ZNF566: variants seen among roughly 807,000 people sequenced by gnomAD.
The protein encoded by ZNF566 is zinc finger protein 566.
A neutral mutation model predicts 32.8 loss-of-function variants in ZNF566; 27 were observed. That is an observed-to-expected ratio of 0.82 (90% CI 0.61 to 1.14). The LOEUF (loss-of-function observed/expected upper bound fraction) is 1.14, where lower values mean the gene tolerates loss of function less well. Among genes scored for constraint, ZNF566 ranks in the 50% most tolerant of loss-of-function variants. The probability of loss-of-function intolerance (pLI) is 0.00; values close to 1 mark genes in which losing one functional copy is unlikely to be tolerated. For missense variants in ZNF566, 402 were observed against 490.4 expected (o/e 0.82, Z 1.70); for synonymous variants, 154 against 159.5 (o/e 0.97, Z 0.26).
chr19:36,462,956 CAAAAAAAAAAAAAAA>C (rs755283751), intron 4 of ZNF566, among the ~76,000 whole-genome samples: 603 of 38,578 alleles, frequency 0.016, 12 homozygotes, highest in African/African-American at 0.055. Context: ...GACTCTGTCT[CAAAAAAAAAAAAAAA>C]AAAAAAAAAA....
At chr19:36,482,076 G>A (rs2912424) in intron 1 of ZNF566, among the ~76,000 whole-genome samples, 51,710 of 152,044 alleles carry the variant, frequency 0.34, 8,924 homozygotes, top group South Asian at 0.41. Context: ...TATATACAAG[G>A]AGTCTGTGGG....
chr19:36,474,428 C>T (rs2033836585), intron 2 of ZNF566, among the ~76,000 whole-genome samples: 2 of 152,138 alleles, frequency 1.3e-5, no homozygotes, highest in South Asian at 2.1e-4. Flanking sequence ...GCCATGAGCT[C>T]GCTTGGCAGA....
At chr19:36,474,456 G>C (rs1001838419) in intron 2 of ZNF566, among the ~76,000 whole-genome samples, 1 of 152,170 alleles carries the variant, frequency 6.6e-6, no homozygotes, top group Non-Finnish European at 1.5e-5. Context: ...ATTTGCAGCC[G>C]TAATAAGGTG....
chr19:36,455,966 G>C (rs1368586394), intron 4 of ZNF566, among the ~76,000 whole-genome samples: 1 of 151,466 alleles, frequency 6.6e-6, no homozygotes, highest in East Asian at 1.9e-4. Context: ...GTGAACCCGG[G>C]AGGCCGAGCT....
chr19:36,473,498 A>T (rs775822749), intron 2 of ZNF566, 40 bp from the exon 3 acceptor site: 38 of 1,502,778 alleles, frequency 2.5e-5, no homozygotes, highest in Middle Eastern at 3.5e-4. Context: ...TTAATTTTTT[A>T]AAAAGTACTT....
chr19:36,449,891 A>G lies in ZNF566; in HGVS notation c.343T>C (p.Cys115Arg), dbSNP rs2033106351. The change falls in exon 5 of 5, where the codon TGC becomes CGC. Residue 115 changes from cysteine (C) to arginine (R), a missense_variant. Physicochemically the swap from Cys to Arg is radical, Grantham distance 180 (BLOSUM62 -3). Around this residue, in one of 3 missense-constraint regions of ZNF566, gnomAD observed 220 missense variants for 241.9 expected, o/e 0.91. Coordinates refer to ENST00000452939, the MANE Select transcript of ZNF566 (RefSeq NM_001145344.1). Reference protein sequence around the residue: ...MEKLTRRDFQCSSFRDDWECN... With the variant: ...MEKLTRRDFQRSSFRDDWECN... ...TCCCAATCATCTCTGAAACTGGAGC[A>G]CTGAAAATCACGTCTTGTGAGTTTT... The G allele has an allele frequency of 1.2e-6, 2 of 1,614,092 alleles. No individual in the cohort carries two copies. The highest frequency in any genetic ancestry group is 8.5e-7 in the Non-Finnish European group (1 of 1,180,000).
At chr19:36,485,755 T>A (rs1431875754) in intron 1 of ZNF566, among the ~76,000 whole-genome samples, 2 of 143,410 alleles carry the variant, frequency 1.4e-5, no homozygotes, top group African/African-American at 5.3e-5. Flanking sequence ...AGAGCAAGAC[T>A]TCGTCTCAAA....
In ZNF566 at chr19:36,485,448, TAAAAA is replaced by T. The variant is rs34950405; in HGVS notation, c.-60+4033_-60+4037del. Among the ~76,000 whole-genome samples the T allele has an allele frequency of 2.5e-3, 264 of 104,484 alleles. 2 individuals carry two copies. The highest frequency in any genetic ancestry group is 9.9e-3 in the African/African-American group (258 of 26,076). 68.5% of individuals were successfully genotyped at this position (104,484 alleles called of 152,430 possible). A position where few individuals can be genotyped will look rare whatever the true frequency, so the allele number is the denominator to read the frequency against. On this transcript the variant is annotated intron_variant, in intron 1 of 4. Coordinates refer to ENST00000452939, the MANE Select transcript of ZNF566 (RefSeq NM_001145344.1). ...GATGACGGAGCAAGACCTTGTCTAT[TAAAAA>T]AAAAAAAAAAAAAAAAAAGTGGCCG...
intron 4 of ZNF566, among the ~76,000 whole-genome samples, chr19:36,461,747 A>G (rs2033468795): frequency 6.6e-6 from 1 of 152,144 alleles, no homozygotes; most frequent in South Asian, 2.1e-4. Flanking sequence ...TTTAACAGGT[A>G]TTGACCATGT....
chr19:36,484,562 G>A (rs917832991), intron 1 of ZNF566, among the ~76,000 whole-genome samples: 6 of 149,962 alleles, frequency 4.0e-5, no homozygotes, highest in African/African-American at 7.4e-5. Flanking sequence ...AAAACATGAT[G>A]AGAAATAGGA....
At chr19:36,488,402 A>AT (rs1334319828) in intron 1 of ZNF566, among the ~76,000 whole-genome samples, 8 of 152,108 alleles carry the variant, frequency 5.3e-5, no homozygotes, top group Admixed American at 6.6e-5. Context: ...GCCTACAAAA[A>AT]TTTTTTTAAC....
chr19:36,453,346 G>A (rs1294716788), intron 4 of ZNF566, among the ~76,000 whole-genome samples: 1 of 150,962 alleles, frequency 6.6e-6, no homozygotes, highest in Admixed American at 6.6e-5. Flanking sequence ...GGTGGTGTAC[G>A]CCTGTACTCC....
intron 4 of ZNF566, among the ~76,000 whole-genome samples, chr19:36,469,950 A>G (rs2033722289): frequency 2.0e-5 from 3 of 152,162 alleles, no homozygotes; most frequent in Admixed American, 1.3e-4. Flanking sequence ...ATATGAGAAA[A>G]TGCATGTAGA....
intron 4 of ZNF566, among the ~76,000 whole-genome samples, chr19:36,472,203 C>T (rs974445286): frequency 3.3e-5 from 5 of 152,148 alleles, no homozygotes; most frequent in African/African-American, 1.2e-4. Flanking sequence ...TCCATGGAGA[C>T]ACAGGCCCTT....
intron 4 of ZNF566, among the ~76,000 whole-genome samples, chr19:36,455,259 C>T (rs1280284433): frequency 6.6e-6 from 1 of 152,008 alleles, no homozygotes; most frequent in South Asian, 2.1e-4. Flanking sequence ...CTAACATTAT[C>T]CTCAACATTG....
chr19:36,483,682 G>A (rs1210244852), intron 1 of ZNF566, among the ~76,000 whole-genome samples: 2 of 151,860 alleles, frequency 1.3e-5, no homozygotes. Flanking sequence ...TAAACAAATG[G>A]GGACAAAAGA....
chr19:36,447,875 A>T lies in ZNF566; in HGVS notation c.*1102T>A, dbSNP rs1179633001. 1 of 152,196 alleles carries T rather than the reference A, an allele frequency of 6.6e-6. No homozygotes were observed. Among genetic ancestry groups the T allele is most frequent in the East Asian group, 1.9e-4 (1 of 5,202 alleles). The allele number at this position is 152,196 out of a possible 1,614,324, so 9.4% of individuals were successfully genotyped here. ...TCAAACACCCTGCCTAATGGTGACT[A>T]AGTTCTGCAGAAGTTAAAAAGCCTT... On this transcript the variant is annotated 3_prime_UTR_variant, in exon 5 of 5. Coordinates refer to ENST00000452939, the MANE Select transcript of ZNF566 (RefSeq NM_001145344.1).
chr19:36,475,960 A>T (rs566160912), intron 2 of ZNF566: 1 of 152,226 alleles, frequency 6.6e-6, no homozygotes, highest in Non-Finnish European at 1.5e-5. Context: ...AAACTTCTTC[A>T]GAGAAATTTG....
At chr19:36,480,668 T>C (rs1020285527) in intron 1 of ZNF566, among the ~76,000 whole-genome samples, 1 of 129,080 alleles carries the variant, frequency 7.7e-6, no homozygotes, top group Non-Finnish European at 1.8e-5. Context: ...AAAAAAAAAT[T>C]AACCTTTACC....
Sources: gnomAD v4.1 joint callset for allele counts (sites outside exome capture counted in the v4.1 genomes callset) on GRCh38, gnomAD v4.1.1 for gene constraint, gnomAD v4.1.1 regional missense constraint, MANE v1.5 for transcripts, NCBI Gene and HGNC (gene_info 2026-07-23, HGNC 2026-07-21) for gene names.